HSPBAP1: variants seen among roughly 807,000 people sequenced by gnomAD.
The protein encoded by HSPBAP1 is HSPB1-associated protein 1.
In HSPBAP1, 27 loss-of-function variants were observed where a neutral mutation model predicts 45.2. That is an observed-to-expected ratio of 0.60 (90% CI 0.44 to 0.82). The LOEUF (loss-of-function observed/expected upper bound fraction) is 0.82, where lower values mean the gene tolerates loss of function less well. Among genes scored for constraint, HSPBAP1 ranks in the 40% least tolerant of loss-of-function variants. HSPBAP1 has a pLI of 0.00. For synonymous variants in HSPBAP1, 204 were observed against 202.7 expected, an observed-to-expected ratio of 1.01 and a Z score of -0.06; for missense variants, 510 against 590.9, an observed-to-expected ratio of 0.86 and a Z score of 1.42.
chr3:122,756,120 C>T (rs917530260), intron 4 of HSPBAP1, among the ~76,000 whole-genome samples: 6 of 151,866 alleles, frequency 4.0e-5, no homozygotes, highest in African/African-American at 7.3e-5. Context: ...GAGGCAAAAG[C>T]GAGAGAAGTA....
intron 1 of HSPBAP1, among the ~76,000 whole-genome samples, chr3:122,778,314 ATAAGT>A (rs1023019116): frequency 6.6e-6 from 1 of 151,264 alleles, no homozygotes; most frequent in Non-Finnish European, 1.5e-5. Flanking sequence ...AGTTCCAATT[ATAAGT>A]TAATACACAC....
intron 7 of HSPBAP1, 27 bp downstream of exon 7, chr3:122,740,976 C>T (rs1434285242): frequency 1.2e-6 from 2 of 1,607,444 alleles, no homozygotes; most frequent in Admixed American, 1.7e-5. Flanking sequence ...AAACTAACTG[C>T]CATGATGAAG....
intron 2 of HSPBAP1, among the ~76,000 whole-genome samples, chr3:122,773,601 C>T (rs895025895): frequency 1.3e-5 from 2 of 151,896 alleles, no homozygotes; most frequent in Admixed American, 6.6e-5. Flanking sequence ...CAGGCATGAG[C>T]CACTGTGCCC....
At chr3:122,782,227 A>G (rs1480152683) in intron 1 of HSPBAP1, among the ~76,000 whole-genome samples, 1 of 152,228 alleles carries the variant, frequency 6.6e-6, no homozygotes, top group East Asian at 1.9e-4. Flanking sequence ...CAGAAAGACT[A>G]CTGAGTCAAT....
intron 6 of HSPBAP1, among the ~76,000 whole-genome samples, chr3:122,750,990 G>C (rs1002744448): frequency 5.9e-5 from 9 of 152,142 alleles, no homozygotes; most frequent in Non-Finnish European, 8.8e-5. Context: ...CAACCTGCCT[G>C]ACAGCAGATC....
At chr3:122,778,215 G>T (rs200362570) in intron 1 of HSPBAP1, among the ~76,000 whole-genome samples, 621 of 42,554 alleles carry the variant, frequency 0.015, 5 homozygotes, top group Middle Eastern at 0.067. Context: ...AGTTTTTTTT[G>T]TTGTTTTTTT....
At chr3:122,780,086 G>C (rs1257125349) in intron 1 of HSPBAP1, among the ~76,000 whole-genome samples, 2 of 151,614 alleles carry the variant, frequency 1.3e-5, no homozygotes, top group South Asian at 2.1e-4. Flanking sequence ...AGGGGCGGCC[G>C]GGCAGAGGCG....
intron 3 of HSPBAP1, among the ~76,000 whole-genome samples, chr3:122,763,115 C>T (rs1934657413): frequency 1.3e-5 from 2 of 152,168 alleles, no homozygotes; most frequent in Admixed American, 1.3e-4. Flanking sequence ...ACCCTCTCTA[C>T]CTTGGGTTTA....
intron 2 of HSPBAP1, among the ~76,000 whole-genome samples, chr3:122,771,207 T>A (rs1934982667): frequency 6.6e-6 from 1 of 152,244 alleles, no homozygotes; most frequent in Non-Finnish European, 1.5e-5. Context: ...CATAATGATA[T>A]AATTTTTTCA....
intron 1 of HSPBAP1, among the ~76,000 whole-genome samples, chr3:122,779,230 AC>A (rs1305576812): frequency 1.3e-5 from 2 of 151,276 alleles, no homozygotes; most frequent in African/African-American, 4.9e-5. Context: ...TTTAGTAGAG[AC>A]GGGCTTTCAC....
intron 2 of HSPBAP1, among the ~76,000 whole-genome samples, chr3:122,776,899 T>C (rs1357729825): frequency 6.6e-6 from 1 of 152,202 alleles, no homozygotes; most frequent in East Asian, 1.9e-4. Flanking sequence ...ACTTTTCTAG[T>C]TCTCCTAAGC....
At position 122,755,358 on chromosome 3, in the gene HSPBAP1, T is replaced by G; in HGVS notation, c.643A>C (p.Ser215Arg). The part of the protein sequence containing the change: ...YPTRIPYEES[S>R]VFSKINVVNP... ...ACAACATTGATTTTACTGAACACACTAGATTCTTCATAAGGGATTCTAGTT... is the reference window on the plus strand; with the variant it reads ...ACAACATTGATTTTACTGAACACACGAGATTCTTCATAAGGGATTCTAGTT... Residue 215 changes from serine to arginine, a missense_variant, in exon 5 of 8, where the codon AGT becomes CGT. Transcript: ENST00000306103. The G allele has an allele frequency of 6.2e-7, 1 of 1,601,966 alleles. No homozygotes were observed. Among genetic ancestry groups the G allele is most frequent in the East Asian group, 2.3e-5 (1 of 43,904 alleles).
chr3:122,749,978 C>A (rs1320786372), intron 6 of HSPBAP1, among the ~76,000 whole-genome samples: 2 of 140,234 alleles, frequency 1.4e-5, no homozygotes, highest in Non-Finnish European at 3.1e-5. Flanking sequence ...GGTTTTCTTT[C>A]TTTTTTTTTT....
At chr3:122,780,127 G>A (rs1422760466) in intron 1 of HSPBAP1, among the ~76,000 whole-genome samples, 5 of 136,770 alleles carry the variant, frequency 3.7e-5, no homozygotes, top group South Asian at 2.4e-4. Context: ...GCGGCTGGCC[G>A]GGCGGGGAGC....
intron 3 of HSPBAP1, among the ~76,000 whole-genome samples, chr3:122,767,886 G>C (rs941036336): frequency 6.6e-6 from 1 of 152,064 alleles, no homozygotes; most frequent in East Asian, 1.9e-4. Context: ...CAGGGATGGT[G>C]AAATACTTCT....
At chr3:122,754,469 G>A in intron 5 of HSPBAP1, 7 of 858,680 alleles carry the variant, frequency 8.2e-6, no homozygotes, top group Non-Finnish European at 9.8e-6. Flanking sequence ...TGTTGTCAGG[G>A]GCTGTGGGGA....
At chr3:122,764,515 G>A (rs906261501) in intron 3 of HSPBAP1, among the ~76,000 whole-genome samples, 4 of 152,086 alleles carry the variant, frequency 2.6e-5, no homozygotes, top group African/African-American at 9.7e-5. Context: ...TGAAAAATAT[G>A]TACATTGATA....
In HSPBAP1 at chr3:122,758,896, C is replaced by CAAA. The variant is rs11369405; in HGVS notation, c.569+325_569+327dup. On this transcript the variant is annotated intron_variant, in intron 4 of 7. Transcript: ENST00000306103. ...ACTGTCTCAAATGTCTCTAATTTAC[C>CAAA]AAAAAAAAAAAAAAAAAAAAGACCA... 715 of 199,984 alleles carry CAAA rather than the reference C, an allele frequency of 3.6e-3. 1 individual carries two copies. Among genetic ancestry groups the CAAA allele is most frequent in the South Asian group, 5.7e-3 (152 of 26,442 alleles). 12.4% of individuals were successfully genotyped at this position (199,984 alleles called of 1,614,324 possible).
In HSPBAP1 at chr3:122,746,297, G is replaced by GT. The variant is rs55924449; in HGVS notation, c.826-5185dup. 4.6e-3 allele frequency among the ~76,000 whole-genome samples: 631 copies of GT among 138,524 alleles called. 6 individuals are homozygous for GT. The highest frequency in any genetic ancestry group is 0.025 in the South Asian group (107 of 4,336). The allele number at this position is 138,524 out of a possible 152,430, so 90.9% of individuals were successfully genotyped here. A position where few individuals can be genotyped will look rare whatever the true frequency, so the allele number is the denominator to read the frequency against. Reference sequence around the variant, plus strand: ...TATGGATCAAAAAAAAAATCAAAAGGTTTTTTTTTTTTTTCCTAAAGCTAG... The same window carrying GT: ...TATGGATCAAAAAAAAAATCAAAAGGTTTTTTTTTTTTTTTCCTAAAGCTAG... On this transcript the variant is annotated intron_variant, in intron 6 of 7. Coordinates refer to ENST00000306103, the MANE Select transcript of HSPBAP1 (RefSeq NM_024610.6).
Sources: gnomAD v4.1 joint callset for allele counts (sites outside exome capture counted in the v4.1 genomes callset) on GRCh38, gnomAD v4.1.1 for gene constraint, MANE v1.5 for transcripts, NCBI Gene and HGNC (gene_info 2026-07-23, HGNC 2026-07-21) for gene names.